Variants in DGKB observed in about 807,000 individuals in gnomAD.
The protein encoded by DGKB is diacylglycerol kinase beta.
In DGKB, 67 loss-of-function variants were observed where a neutral mutation model predicts 114.3. The observed-to-expected ratio is 0.59, with a 90% CI of 0.48 to 0.72. The LOEUF is 0.72. Ranked by LOEUF, DGKB falls within the 30% of genes least tolerant of loss-of-function variation. The pLI, the probability that DGKB is intolerant of heterozygous loss-of-function variation, is 0.00. For missense variants in DGKB, 907 were observed against 975.2 expected, an observed-to-expected ratio of 0.93 and a Z score of 0.93; for synonymous variants, 398 against 323.1, an observed-to-expected ratio of 1.23 and a Z score of -2.49.
intron 20 of DGKB, among the ~76,000 whole-genome samples, chr7:14,521,247 T>C (rs1789718365): frequency 6.6e-6 from 1 of 152,088 alleles, no homozygotes; most frequent in Non-Finnish European, 1.5e-5. Flanking sequence ...AGCCCAGAAG[T>C]AAGGCTGCAC....
intron 23 of DGKB, among the ~76,000 whole-genome samples, chr7:14,202,786 A>G (rs889314669): frequency 2.0e-5 from 3 of 152,018 alleles, no homozygotes; most frequent in African/African-American, 7.2e-5. Flanking sequence ...CAATCATATT[A>G]TCACATTTCT....
intron 1 of DGKB, among the ~76,000 whole-genome samples, chr7:14,869,305 C>G (rs1310541631): frequency 6.6e-6 from 1 of 152,094 alleles, no homozygotes; most frequent in African/African-American, 2.4e-5. Flanking sequence ...ACCTTGGAGA[C>G]TTTGAAATCC....
At chr7:14,427,463 G>C (rs1404447608) in intron 21 of DGKB, among the ~76,000 whole-genome samples, 3 of 152,084 alleles carry the variant, frequency 2.0e-5, no homozygotes, top group South Asian at 2.1e-4. Context: ...CAGTTACCCA[G>C]TTCCAAAGTT....
intron 1 of DGKB, among the ~76,000 whole-genome samples, chr7:14,897,723 G>A (rs1424856901): frequency 6.6e-6 from 1 of 151,890 alleles, no homozygotes; most frequent in Non-Finnish European, 1.5e-5. Flanking sequence ...GGTAATAAAT[G>A]TGTTCTGAGT....
intron 23 of DGKB, among the ~76,000 whole-genome samples, chr7:14,326,507 A>T (rs934342162): frequency 6.6e-6 from 1 of 152,166 alleles, no homozygotes; most frequent in African/African-American, 2.4e-5. Flanking sequence ...TCACCATAGA[A>T]TGGACATTCT....
chr7:14,689,214 T>TATTTTTTTA (rs1563917820), intron 9 of DGKB, among the ~76,000 whole-genome samples: 5 of 137,198 alleles, frequency 3.6e-5, no homozygotes, highest in South Asian at 2.5e-4. Flanking sequence ...TTTTTTTTTT[T>TATTTTTTTA]TTTTTTTTTT....
chr7:14,733,046 T>C (rs1224405916), intron 5 of DGKB, among the ~76,000 whole-genome samples: 4 of 152,328 alleles, frequency 2.6e-5, no homozygotes, highest in South Asian at 2.1e-4. Context: ...ATTTAAGGTA[T>C]GTGTGTGATA....
chr7:14,446,925 G>A (rs1324246865), intron 21 of DGKB, among the ~76,000 whole-genome samples: 6 of 152,118 alleles, frequency 3.9e-5, no homozygotes, highest in Non-Finnish European at 7.4e-5. Flanking sequence ...ACTAGCAGGT[G>A]GAAATGTGGT....
intron 18 of DGKB, 141 bp downstream of exon 18, chr7:14,582,911 T>C (rs1800165462): frequency 2.9e-6 from 2 of 683,538 alleles, no homozygotes; most frequent in South Asian, 3.3e-5. Flanking sequence ...GAATAATAAG[T>C]TAAACCAGTG....
chr7:14,537,373 C>G (rs1367030277), intron 20 of DGKB, among the ~76,000 whole-genome samples: 1 of 151,988 alleles, frequency 6.6e-6, no homozygotes, highest in Non-Finnish European at 1.5e-5. Context: ...CAATTTTGAA[C>G]AAAGCTGAAG....
At chr7:14,538,825 T>C (rs527257271) in intron 20 of DGKB, among the ~76,000 whole-genome samples, 1 of 152,268 alleles carries the variant, frequency 6.6e-6, no homozygotes, top group South Asian at 2.1e-4. Context: ...TCCTAGCATT[T>C]GTGACAACAC....
chr7:14,500,995 AG>A (rs1786082439), intron 20 of DGKB, among the ~76,000 whole-genome samples: 1 of 151,920 alleles, frequency 6.6e-6, no homozygotes, highest in South Asian at 2.1e-4. Flanking sequence ...AGGAATTTAA[AG>A]TTTTAAGGCA....
At chr7:14,216,280 A>G (rs1562644729) in intron 23 of DGKB, among the ~76,000 whole-genome samples, 1 of 152,166 alleles carries the variant, frequency 6.6e-6, no homozygotes, top group Non-Finnish European at 1.5e-5. Context: ...GACACTGGTA[A>G]ATATCAGTAA....
At position 14,156,816 on chromosome 7, in the gene DGKB, G is replaced by GT. The variant is rs368386196; in HGVS notation, c.2305-7579dup. 7.0e-4 allele frequency among the ~76,000 whole-genome samples: 107 copies of GT among 152,202 alleles called. 1 individual carries two copies. Among genetic ancestry groups the GT allele is most frequent in the African/African-American group, 2.6e-3 (106 of 41,544 alleles). On this transcript the variant is annotated intron_variant, in intron 25 of 25. Transcript: ENST00000402815. ...CTTTGGCGTATCTTTATTATACTAA[G>GT]TGCCACCATTCAGAAATCATTCTGT...
intron 1 of DGKB, among the ~76,000 whole-genome samples, chr7:14,970,343 C>T (rs950176669): frequency 2.6e-5 from 4 of 151,604 alleles, no homozygotes. Flanking sequence ...GGGAACTAGA[C>T]AATATAGCAA....
chr7:14,464,879 T>G (rs538988003), intron 21 of DGKB, among the ~76,000 whole-genome samples: 1 of 152,252 alleles, frequency 6.6e-6, no homozygotes, highest in African/African-American at 2.4e-5. Context: ...CACAAGAACC[T>G]CTCAGACTTT....
At chr7:14,565,502 A>C (rs186718545) in intron 20 of DGKB, among the ~76,000 whole-genome samples, 10 of 152,336 alleles carry the variant, frequency 6.6e-5, no homozygotes, top group African/African-American at 2.2e-4. Flanking sequence ...TAAGCTTCCA[A>C]CTTAAATATC....
chr7:14,951,522 C>A (rs1786199409), intron 1 of DGKB, among the ~76,000 whole-genome samples: 2 of 151,856 alleles, frequency 1.3e-5, no homozygotes, highest in Admixed American at 1.3e-4. Context: ...AAGAGATGAA[C>A]AATCGAGGCA....
At chr7:14,398,491 A>G (rs1189728065) in intron 21 of DGKB, among the ~76,000 whole-genome samples, 2 of 152,092 alleles carry the variant, frequency 1.3e-5, no homozygotes, top group Non-Finnish European at 2.9e-5. Context: ...TTTTCAAAAG[A>G]AATAGCGAGG....
Sources: allele counts gnomAD v4.1 joint callset (sites outside exome capture counted in the v4.1 genomes callset), GRCh38; gene constraint gnomAD v4.1.1; transcripts MANE v1.5; gene names NCBI Gene and HGNC (gene_info 2026-07-23, HGNC 2026-07-21).